The following CNTN1 variants were observed in gnomAD, a reference collection of about 807,000 sequenced individuals.
CNTN1 encodes the protein contactin 1, also known as contactin-1.
CNTN1 carries 38 observed loss-of-function variants against 126.4 expected under a neutral mutation model. That is an observed-to-expected ratio of 0.30 (90% CI 0.23 to 0.39). The LOEUF is 0.39. CNTN1 is among the 10% of genes least tolerant of loss of function. CNTN1 has a pLI of 1.00. For synonymous variants in CNTN1, 413 were observed against 422.6 expected, an observed-to-expected ratio of 0.98 and a Z score of 0.28; for missense variants, 1,009 against 1,248.4, an observed-to-expected ratio of 0.81 and a Z score of 2.89.
At chr12:40,975,065 C>T (rs547068172) in intron 15 of CNTN1, among the ~76,000 whole-genome samples, 7 of 151,194 alleles carry the variant, frequency 4.6e-5, no homozygotes, top group East Asian at 3.9e-4. Context: ...TCATTTTGAG[C>T]GTGTTATACC....
At chr12:40,740,764 G>A (rs945495168) in intron 1 of CNTN1, among the ~76,000 whole-genome samples, 2 of 152,000 alleles carry the variant, frequency 1.3e-5, no homozygotes, top group Non-Finnish European at 2.9e-5. Context: ...GTTTTCCCAT[G>A]TTGTTCTCGT....
At chr12:41,041,265 C>A (rs533009494) in intron 23 of CNTN1, among the ~76,000 whole-genome samples, 127 of 152,166 alleles carry the variant, frequency 8.3e-4, no homozygotes, top group African/African-American at 3.0e-3. Context: ...GGGATGAAGC[C>A]CACTTGATCA....
chr12:41,008,687 C>A (rs1304994669), intron 17 of CNTN1, among the ~76,000 whole-genome samples: 1 of 152,154 alleles, frequency 6.6e-6, no homozygotes, highest in Non-Finnish European at 1.5e-5. Context: ...TATTTACCAT[C>A]CTTCTAATCC....
chr12:40,929,830 T>C lies in CNTN1; in HGVS notation c.531T>C (p.Phe177=). The change falls in exon 7 of 24, where the codon TTT becomes TTC. Residue 177 remains phenylalanine (F), a synonymous_variant. Coordinates refer to ENST00000551295, the MANE Select transcript of CNTN1 (RefSeq NM_001843.4). ...DLSYRWLLNE[F]PVFITMDKRR... Reference sequence around the variant, plus strand: ...GCTATCGCTGGCTTCTAAATGAATTTCCTGTATTTATCACAATGGATAAAC... The same window carrying C: ...GCTATCGCTGGCTTCTAAATGAATTCCCTGTATTTATCACAATGGATAAAC... 6.2e-7 allele frequency: 1 copy of C among 1,612,424 alleles called. No individual in the cohort carries two copies. Among genetic ancestry groups the C allele is most frequent in the Non-Finnish European group, 8.5e-7 (1 of 1,178,896 alleles).
intron 15 of CNTN1, among the ~76,000 whole-genome samples, chr12:40,968,039 G>C (rs1947369938): frequency 6.6e-6 from 1 of 151,024 alleles, no homozygotes; most frequent in Admixed American, 6.7e-5. Context: ...TAATTTTAAA[G>C]GACAGGTATC....
intron 1 of CNTN1, among the ~76,000 whole-genome samples, chr12:40,854,356 A>G (rs1942823850): frequency 6.6e-6 from 1 of 152,084 alleles, no homozygotes; most frequent in African/African-American, 2.4e-5. Flanking sequence ...TGAATCCTGA[A>G]GAATAAAGAT....
chr12:40,857,461 G>A (rs1942952754), intron 1 of CNTN1, among the ~76,000 whole-genome samples: 1 of 152,024 alleles, frequency 6.6e-6, no homozygotes, highest in Non-Finnish European at 1.5e-5. Flanking sequence ...GAACTTTGAT[G>A]AAAGTTGACA....
chr12:40,887,197 T>C (rs1445664738), intron 1 of CNTN1, among the ~76,000 whole-genome samples: 2 of 152,114 alleles, frequency 1.3e-5, no homozygotes, highest in Non-Finnish European at 2.9e-5. Flanking sequence ...TTCCTACCCA[T>C]GAGCATGGAA....
At chr12:40,874,121 C>G (rs558392734) in intron 1 of CNTN1, among the ~76,000 whole-genome samples, 2 of 152,156 alleles carry the variant, frequency 1.3e-5, no homozygotes, top group African/African-American at 4.8e-5. Flanking sequence ...CATTCCCAAC[C>G]CATGTATTCT....
At chr12:40,944,502 A>T (rs1464195438) in intron 14 of CNTN1, among the ~76,000 whole-genome samples, 1 of 152,038 alleles carries the variant, frequency 6.6e-6, no homozygotes, top group East Asian at 1.9e-4. Context: ...TTTACTTTAA[A>T]TGAAGAGCAT....
At chr12:40,753,583 A>G (rs745948151) in intron 1 of CNTN1, among the ~76,000 whole-genome samples, 22 of 152,188 alleles carry the variant, frequency 1.4e-4, no homozygotes, top group South Asian at 4.2e-4. Flanking sequence ...AAACCATGAG[A>G]TCTCGTGAGA....
At chr12:40,770,585 A>T (rs1939298510) in intron 1 of CNTN1, among the ~76,000 whole-genome samples, 1 of 152,180 alleles carries the variant, frequency 6.6e-6, no homozygotes, top group Non-Finnish European at 1.5e-5. Context: ...AGCCATGAAA[A>T]GAATTAGTAA....
intron 4 of CNTN1, among the ~76,000 whole-genome samples, chr12:40,920,317 C>A (rs1222171684): frequency 6.9e-6 from 1 of 145,868 alleles, no homozygotes; most frequent in African/African-American, 2.5e-5. Flanking sequence ...CCCCACCCCA[C>A]AGGCACAATA....
intron 23 of CNTN1, among the ~76,000 whole-genome samples, chr12:41,069,475 G>A (rs1950119027): frequency 6.6e-6 from 1 of 151,880 alleles, no homozygotes. Flanking sequence ...TAGGGTACAT[G>A]TGCACAATGT....
At chr12:40,794,893 TGATA>T (rs200154390) in intron 1 of CNTN1, among the ~76,000 whole-genome samples, 2,133 of 152,210 alleles carry the variant, frequency 0.014, 30 homozygotes, top group Middle Eastern at 0.031. Context: ...TATTTTTGTT[TGATA>T]GATATAAAGG....
At chr12:40,760,486 C>A (rs562813731) in intron 1 of CNTN1, among the ~76,000 whole-genome samples, 238 of 149,768 alleles carry the variant, frequency 1.6e-3, no homozygotes, top group Non-Finnish European at 3.0e-3. Flanking sequence ...TTTTGCAGTT[C>A]TTTTGCAGTT....
At chr12:40,792,124 C>T (rs778343716) in intron 1 of CNTN1, among the ~76,000 whole-genome samples, 4 of 151,788 alleles carry the variant, frequency 2.6e-5, no homozygotes, top group Non-Finnish European at 4.4e-5. Flanking sequence ...GCAGGAATTC[C>T]GAAAAGGCAA....
chr12:40,909,314 A>T (rs1944945423), intron 2 of CNTN1, among the ~76,000 whole-genome samples: 1 of 151,978 alleles, frequency 6.6e-6, no homozygotes, highest in Non-Finnish European at 1.5e-5. Flanking sequence ...TGAAAAACTG[A>T]TATAATTACC....
chr12:40,932,237 A>C (rs1338384750), intron 7 of CNTN1, among the ~76,000 whole-genome samples: 1 of 151,934 alleles, frequency 6.6e-6, no homozygotes, highest in Non-Finnish European at 1.5e-5. Context: ...TAATTGAATC[A>C]TGGGGGGCTG....
Sources: allele counts gnomAD v4.1 joint callset (sites outside exome capture counted in the v4.1 genomes callset), GRCh38; gene constraint gnomAD v4.1.1; transcripts MANE v1.5; gene names NCBI Gene and HGNC (gene_info 2026-07-23, HGNC 2026-07-21).